The following NFATC1 variants were observed in gnomAD, a reference collection of about 807,000 sequenced individuals.
NFATC1 encodes nuclear factor of activated T cells 1, also known as nuclear factor of activated T-cells, cytoplasmic 1.
In NFATC1, 22 loss-of-function variants were observed where a neutral mutation model predicts 76.0. That is an observed-to-expected ratio of 0.29 (90% CI 0.21 to 0.41). The LOEUF (loss-of-function observed/expected upper bound fraction) is 0.41. Ranked by LOEUF, NFATC1 falls within the 10% of genes least tolerant of loss-of-function variation. The pLI is 1.00. For missense variants in NFATC1, 1,357 were observed against 1,337.7 expected (o/e 1.01, Z -0.23); for synonymous variants, 704 against 613.1 (o/e 1.15, Z -2.19).
intron 9 of NFATC1, among the ~76,000 whole-genome samples, chr18:79,499,905 G>C (rs1252113147): frequency 6.6e-6 from 1 of 152,140 alleles, no homozygotes; most frequent in East Asian, 1.9e-4. Flanking sequence ...TGTTCTCTTT[G>C]ATCTTAAACC....
intron 9 of NFATC1, among the ~76,000 whole-genome samples, chr18:79,520,009 T>C (rs1036727344): frequency 2.0e-5 from 3 of 152,162 alleles, no homozygotes; most frequent in Admixed American, 2.0e-4. Flanking sequence ...AGAAACCGGC[T>C]GCCCCCAGGA....
intron 8 of NFATC1, among the ~76,000 whole-genome samples, chr18:79,474,507 T>C (rs962690740): frequency 1.3e-4 from 19 of 145,200 alleles, no homozygotes; most frequent in East Asian, 2.2e-4. Flanking sequence ...CTGTCGACGT[T>C]GCAAGGGAAG....
chr18:79,432,872 G>T (rs751560197), intron 2 of NFATC1, among the ~76,000 whole-genome samples: 2 of 152,224 alleles, frequency 1.3e-5, no homozygotes, highest in Non-Finnish European at 2.9e-5. Context: ...AAAGACAGGG[G>T]CCGTGGGGCC....
chr18:79,449,559 C>T (rs978978308), intron 4 of NFATC1, among the ~76,000 whole-genome samples: 3 of 152,328 alleles, frequency 2.0e-5, no homozygotes, highest in African/African-American at 4.8e-5. Context: ...TGCTGGTTCC[C>T]GAGAGATTGA....
At chr18:79,476,634 C>T (rs2144998062) in intron 8 of NFATC1, among the ~76,000 whole-genome samples, 1 of 152,286 alleles carries the variant, frequency 6.6e-6, no homozygotes. Context: ...GGAAGCCCCC[C>T]ACCGATGTTG....
intron 8 of NFATC1, among the ~76,000 whole-genome samples, chr18:79,482,996 G>GT (rs370112991): frequency 2.0e-3 from 232 of 116,412 alleles, no homozygotes; most frequent in Middle Eastern, 5.3e-3. Context: ...GCGTGACCTG[G>GT]TCCTGGGGTG....
At chr18:79,494,883 G>GC (rs1703506361) in intron 9 of NFATC1, among the ~76,000 whole-genome samples, 1 of 141,604 alleles carries the variant, frequency 7.1e-6, no homozygotes, top group African/African-American at 2.6e-5. Flanking sequence ...GCGGGCACAC[G>GC]CCCCCCATGA....
intron 8 of NFATC1, among the ~76,000 whole-genome samples, chr18:79,473,127 C>T (rs1391023219): frequency 1.3e-5 from 2 of 152,244 alleles, no homozygotes; most frequent in Non-Finnish European, 2.9e-5. Context: ...CTGACATTTC[C>T]AGCCCACAGC....
intron 1 of NFATC1, among the ~76,000 whole-genome samples, chr18:79,402,174 C>T (rs771517606): frequency 1.3e-5 from 2 of 152,254 alleles, no homozygotes; most frequent in African/African-American, 2.4e-5. Context: ...GCGGCGGCAT[C>T]CTCCTGTGAC....
intron 9 of NFATC1, chr18:79,495,918 G>A (rs1268806700): frequency 2.7e-5 from 4 of 149,908 alleles, no homozygotes; most frequent in African/African-American, 2.4e-5. Flanking sequence ...AGGCGCCCGC[G>A]GGTGTGTCGC....
chr18:79,513,345 A>G (rs2090305408), intron 9 of NFATC1, among the ~76,000 whole-genome samples: 1 of 152,176 alleles, frequency 6.6e-6, no homozygotes, highest in Non-Finnish European at 1.5e-5. Flanking sequence ...CCGGGTCAGC[A>G]CACGGCTTTC....
intron 6 of NFATC1, among the ~76,000 whole-genome samples, chr18:79,455,323 C>G (rs185730065): frequency 6.4e-4 from 97 of 152,310 alleles, no homozygotes; most frequent in African/African-American, 2.3e-3. Flanking sequence ...GCACGGGTCT[C>G]GTCAGTGGTC....
intron 1 of NFATC1, among the ~76,000 whole-genome samples, chr18:79,397,600 G>T (rs1234576048): frequency 6.6e-6 from 1 of 152,246 alleles, no homozygotes; most frequent in Non-Finnish European, 1.5e-5. Flanking sequence ...TCCCGTGTCA[G>T]TGTTTTACAC....
intron 9 of NFATC1, among the ~76,000 whole-genome samples, chr18:79,500,293 A>G (rs1486956061): frequency 6.6e-6 from 1 of 152,192 alleles, no homozygotes; most frequent in Non-Finnish European, 1.5e-5. Context: ...TAAATAATTA[A>G]TGAGTGAAGT....
intron 9 of NFATC1, among the ~76,000 whole-genome samples, chr18:79,521,080 G>GA (rs1296117441): frequency 1.0e-4 from 11 of 106,492 alleles, no homozygotes; most frequent in Non-Finnish European, 1.2e-4. Flanking sequence ...TGTGTGTGGG[G>GA]GCATCCGCTG....
chr18:79,515,194 A>G (rs2090348562), intron 9 of NFATC1, among the ~76,000 whole-genome samples: 1 of 151,538 alleles, frequency 6.6e-6, no homozygotes, highest in Admixed American at 6.6e-5. Context: ...AAAATACAAA[A>G]ATTAGCTGGG....
chr18:79,443,731 C>T (rs1223361738), intron 3 of NFATC1, among the ~76,000 whole-genome samples: 3 of 152,252 alleles, frequency 2.0e-5, no homozygotes, highest in Non-Finnish European at 4.4e-5. Flanking sequence ...CAGGTACGAT[C>T]GATCCTGGTC....
intron 1 of NFATC1, among the ~76,000 whole-genome samples, chr18:79,409,425 C>T (rs1466357673): frequency 6.6e-6 from 1 of 151,858 alleles, no homozygotes; most frequent in Non-Finnish European, 1.5e-5. Context: ...CCATCCATCA[C>T]CATCCATTTA....
intron 6 of NFATC1, among the ~76,000 whole-genome samples, chr18:79,452,669 G>C (rs1239898775): frequency 1.3e-5 from 2 of 152,300 alleles, no homozygotes; most frequent in East Asian, 3.9e-4. Context: ...AGTGTAGCTG[G>C]GCACAGGGAC....
Sources: allele counts gnomAD v4.1 joint callset (sites outside exome capture counted in the v4.1 genomes callset), GRCh38; gene constraint gnomAD v4.1.1; transcripts MANE v1.5; gene names NCBI Gene and HGNC (gene_info 2026-07-23, HGNC 2026-07-21).